Variants in ST8SIA6 observed in about 807,000 individuals in gnomAD.
The protein encoded by ST8SIA6 is ST8 alpha-N-acetyl-neuraminide alpha-2,8-sialyltransferase 6.
Under a neutral mutation model 33.6 loss-of-function variants are expected in ST8SIA6, and 39 were observed. The observed-to-expected ratio is 1.16, with a 90% CI of 0.90 to 1.52. The LOEUF is 1.52. ST8SIA6 is among the 40% of genes most tolerant of loss of function. ST8SIA6 has a pLI of 0.00. For synonymous variants in ST8SIA6, 172 were observed against 167.2 expected, an observed-to-expected ratio of 1.03 and a Z score of -0.22; for missense variants, 441 against 443.8, an observed-to-expected ratio of 0.99 and a Z score of 0.06.
At chr10:17,418,422 C>A (rs568248284) in intron 2 of ST8SIA6, among the ~76,000 whole-genome samples, 3 of 152,246 alleles carry the variant, frequency 2.0e-5, no homozygotes, top group African/African-American at 7.2e-5. Context: ...TTGAGTTGTG[C>A]TTCCTGAAAT....
chr10:17,380,841 ACGTTTGTGTGTT>A (rs1164605035), intron 3 of ST8SIA6, among the ~76,000 whole-genome samples: 17,643 of 115,928 alleles, frequency 0.15, 1,986 homozygotes, highest in East Asian at 0.43. Context: ...TTGTATGTGT[ACGTTTGTGTGTT>A]TGTGTGTATG....
chr10:17,449,012 C>G (rs113655403), intron 2 of ST8SIA6, among the ~76,000 whole-genome samples: 1 of 150,910 alleles, frequency 6.6e-6, no homozygotes, highest in Non-Finnish European at 1.5e-5. Context: ...AAAGTCTTCA[C>G]CTAAATGACT....
chr10:17,388,692 A>T (rs973543230), intron 3 of ST8SIA6, among the ~76,000 whole-genome samples: 12 of 152,208 alleles, frequency 7.9e-5, no homozygotes, highest in Non-Finnish European at 1.5e-5. Flanking sequence ...AATCAGACCT[A>T]ACTGACTACA....
intron 2 of ST8SIA6, among the ~76,000 whole-genome samples, chr10:17,427,014 A>G (rs1851957901): frequency 6.6e-6 from 1 of 151,968 alleles, no homozygotes; most frequent in Non-Finnish European, 1.5e-5. Flanking sequence ...AGACAGGAGA[A>G]TAATAGCTTG....
Position 17,321,123 on chromosome 10 carries a change from C to T in ST8SIA6, c.952G>A (p.Ala318Thr). The change falls in exon 8 of 8, where the codon GCA becomes ACA. Residue 318 changes from alanine (A) to threonine (T), a missense_variant. Physicochemically the swap from Ala to Thr is moderately conservative, Grantham distance 58. Coordinates refer to ENST00000377602, the MANE Select transcript of ST8SIA6 (RefSeq NM_001004470.3). Reference sequence around the variant, plus strand: ...ATCAAGCCGGTGGACAAGCGGTATGCAGTCACACCTTTAGTTCTCCAGAAA... The same window carrying T: ...ATCAAGCCGGTGGACAAGCGGTATGTAGTCACACCTTTAGTTCTCCAGAAA... ...ALFWRTKGVT[A>T]YRLSTGLMIT... 6.2e-7 allele frequency: 1 copy of T among 1,614,084 alleles called. No homozygotes were observed. The highest frequency in any genetic ancestry group is 8.5e-7 in the Non-Finnish European group (1 of 1,179,986).
intron 5 of ST8SIA6, among the ~76,000 whole-genome samples, chr10:17,330,625 G>A (rs565008254): frequency 2.0e-5 from 3 of 152,276 alleles, no homozygotes; most frequent in Admixed American, 6.5e-5. Flanking sequence ...AAAACTGTAA[G>A]AATCTCATAT....
intron 2 of ST8SIA6, among the ~76,000 whole-genome samples, chr10:17,392,570 A>T (rs1850656238): frequency 6.6e-6 from 1 of 152,140 alleles, no homozygotes; most frequent in African/African-American, 2.4e-5. Flanking sequence ...AGCAGCCTGG[A>T]TTATCTGAGG....
chr10:17,360,589 G>A (rs1412561608), intron 3 of ST8SIA6, among the ~76,000 whole-genome samples: 1 of 151,034 alleles, frequency 6.6e-6, no homozygotes, highest in Non-Finnish European at 1.5e-5. Context: ...CCAGAAAGAG[G>A]TGGGGGTGGG....
At chr10:17,442,463 T>C (rs1249970332) in intron 2 of ST8SIA6, among the ~76,000 whole-genome samples, 5 of 152,392 alleles carry the variant, frequency 3.3e-5, no homozygotes, top group African/African-American at 9.6e-5. Flanking sequence ...CACTAATTTC[T>C]GCCTTGGAGA....
At chr10:17,322,924 G>A (rs376827089) in intron 7 of ST8SIA6, 141 bp downstream of exon 7, 95 of 630,920 alleles carry the variant, frequency 1.5e-4, no homozygotes, top group African/African-American at 1.5e-3. Context: ...ATTTGCAAAT[G>A]AATTCTTATA....
intron 3 of ST8SIA6, among the ~76,000 whole-genome samples, chr10:17,360,076 C>T (rs1849331339): frequency 6.6e-6 from 1 of 152,038 alleles, no homozygotes; most frequent in Admixed American, 6.6e-5. Context: ...CCAGATTGGA[C>T]TGTTGAGAGA....
intron 3 of ST8SIA6, among the ~76,000 whole-genome samples, chr10:17,390,307 C>T (rs1301070663): frequency 2.0e-5 from 3 of 152,216 alleles, no homozygotes; most frequent in East Asian, 3.9e-4. Flanking sequence ...TTAACAAATG[C>T]GGATCCAGGG....
intron 6 of ST8SIA6, among the ~76,000 whole-genome samples, chr10:17,324,686 G>T (rs1166410886): frequency 7.3e-6 from 1 of 136,096 alleles, no homozygotes; most frequent in African/African-American, 2.8e-5. Context: ...CTGATGCCAG[G>T]TATTTTCCTG....
chr10:17,419,116 C>G (rs1851699751), intron 2 of ST8SIA6, among the ~76,000 whole-genome samples: 1 of 151,114 alleles, frequency 6.6e-6, no homozygotes, highest in African/African-American at 2.4e-5. Flanking sequence ...CATTTTCTAT[C>G]ATCTCTCAAC....
At chr10:17,390,841 G>A (rs76172824) in intron 2 of ST8SIA6, among the ~76,000 whole-genome samples, 4,696 of 145,108 alleles carry the variant, frequency 0.032, 78 homozygotes, top group South Asian at 0.057. Context: ...TCAAACATAA[G>A]AGAACTCTAT....
intron 2 of ST8SIA6, among the ~76,000 whole-genome samples, chr10:17,397,902 T>C (rs1564444468): frequency 6.6e-6 from 1 of 152,344 alleles, no homozygotes; most frequent in South Asian, 2.1e-4. Context: ...ATGGTTGATA[T>C]ACTTTTAAAA....
At chr10:17,349,099 C>T (rs1044444993) in intron 4 of ST8SIA6, among the ~76,000 whole-genome samples, 4 of 152,102 alleles carry the variant, frequency 2.6e-5, no homozygotes, top group Non-Finnish European at 4.4e-5. Flanking sequence ...CACAGAAAGA[C>T]GATAACCTAG....
rs537135771 is a variant in ST8SIA6 at position 17,325,298 on chromosome 10, AAC to A, written c.635+1714_635+1715del. 1.0e-4 allele frequency among the ~76,000 whole-genome samples: 15 copies of A among 145,632 alleles called. No individual in the cohort carries two copies. In the East Asian group the frequency reaches 2.8e-3, roughly 27 times the overall value. Reference sequence around the variant, plus strand: ...GTACAATATATTACATACTATCTATAACACAGTATTATATATTTATCATACAT... The same window carrying A: ...GTACAATATATTACATACTATCTATAACAGTATTATATATTTATCATACAT... On this transcript the variant is annotated intron_variant, in intron 6 of 7. Coordinates refer to ENST00000377602, the MANE Select transcript of ST8SIA6 (RefSeq NM_001004470.3).
intron 3 of ST8SIA6, among the ~76,000 whole-genome samples, chr10:17,389,920 C>T (rs1850524288): frequency 6.6e-6 from 1 of 152,054 alleles, no homozygotes; most frequent in African/African-American, 2.4e-5. Context: ...CTCCTGGGCT[C>T]AAGCAATTCT....
Sources: allele counts gnomAD v4.1 joint callset (sites outside exome capture counted in the v4.1 genomes callset), GRCh38; gene constraint gnomAD v4.1.1; transcripts MANE v1.5; gene names NCBI Gene and HGNC (gene_info 2026-07-23, HGNC 2026-07-21).